The following MBNL3 variants were observed in gnomAD, a reference collection of about 807,000 sequenced individuals.
The protein encoded by MBNL3 is muscleblind-like protein 3.
Under a neutral mutation model 24.5 loss-of-function variants are expected in MBNL3, and 6 were observed. The observed-to-expected ratio is 0.25, with a 90% CI of 0.13 to 0.48. The LOEUF is 0.48. MBNL3 is among the 20% of genes least tolerant of loss of function. MBNL3 has a pLI of 0.99. For synonymous variants in MBNL3, 100 were observed against 101.7 expected, an observed-to-expected ratio of 0.98 and a Z score of 0.10; for missense variants, 230 against 293.5, an observed-to-expected ratio of 0.78 and a Z score of 1.58.
chrX:132,459,522 A>C lies in MBNL3; in HGVS notation c.-703-19208T>G, dbSNP rs181380003. Among the ~76,000 whole-genome samples, 7 of 112,318 alleles carry C rather than the reference A, an allele frequency of 6.2e-5. No homozygotes were observed. In the East Asian group the frequency reaches 1.4e-3, roughly 22 times the overall value. The stretch of plus-strand genomic sequence containing the variant: ...AGTAAAAGGGATCAATGGGTACTCA[A>C]AACACTGTTCAAACAGACATCACCA... On this transcript the variant is annotated intron_variant, in intron 1 of 8. Transcript: ENST00000370853.
chrX:132,380,278 A>T (rs1012085173), intron 8 of MBNL3, among the ~76,000 whole-genome samples: 2 of 112,112 alleles, frequency 1.8e-5, no homozygotes, highest in African/African-American at 3.2e-5. Context: ...TTAATTTGAC[A>T]ACTTGTGGTT....
chrX:132,392,396 A>C, intron 3 of MBNL3, 62 bp from the exon 4 acceptor site: 3 of 900,775 alleles, frequency 3.3e-6, no homozygotes, highest in Non-Finnish European at 4.5e-6. Context: ...CATTACACAA[A>C]GAGGTATTCT....
At chrX:132,482,421 C>A (rs1222394475) in intron 1 of MBNL3, among the ~76,000 whole-genome samples, 3 of 111,840 alleles carry the variant, frequency 2.7e-5, no homozygotes, top group Non-Finnish European at 3.8e-5. Flanking sequence ...AGTCAATCCA[C>A]AGGCTTTAGC....
chrX:132,406,497 T>G (rs979149137), intron 2 of MBNL3, 105 bp from the exon 3 acceptor site: 12 of 754,374 alleles, frequency 1.6e-5, no homozygotes, highest in Non-Finnish European at 2.2e-5. Context: ...ACTCTTCATC[T>G]TGAATCCATA....
chrX:132,431,293 T>C (rs1303188787), intron 2 of MBNL3: 1 of 112,170 alleles, frequency 8.9e-6, no homozygotes, highest in Non-Finnish European at 1.9e-5. Context: ...CATTTATTAA[T>C]TGGAATTCTT....
chrX:132,394,804 C>G (rs1423236462), intron 3 of MBNL3, among the ~76,000 whole-genome samples: 2 of 111,502 alleles, frequency 1.8e-5, no homozygotes, highest in African/African-American at 6.5e-5. Context: ...CAGGGAAATT[C>G]TCCTAGCTAA....
chrX:132,402,576 A>G (rs1200007586), intron 3 of MBNL3, among the ~76,000 whole-genome samples: 1 of 111,685 alleles, frequency 9.0e-6, no homozygotes, highest in African/African-American at 3.3e-5. Context: ...ATCAGGAACA[A>G]TCTCTCTTAA....
chrX:132,414,100 CT>C (rs1943076702), intron 2 of MBNL3, among the ~76,000 whole-genome samples: 1 of 111,776 alleles, frequency 8.9e-6, no homozygotes, highest in Admixed American at 9.5e-5. Context: ...GCATAGATAT[CT>C]TTTTCAGTCA....
rs915186592 is a variant in MBNL3, at chrX:132,381,382, C to T, written c.1053+796G>A. The stretch of plus-strand genomic sequence containing the variant: ...ACTGTTCTACTGAGAACTTCTACAT[C>T]TGTGAAACAAACATGCTGCTATTCA... On this transcript the variant is annotated intron_variant, in intron 8 of 8. Coordinates refer to ENST00000370853, the MANE Select transcript of MBNL3 (RefSeq NM_001386889.1). 15 of 1,176,663 alleles carry T rather than the reference C, an allele frequency of 1.3e-5. No homozygotes were observed. In the Admixed American group the frequency reaches 1.8e-4, roughly 14 times the overall value.
intron 2 of MBNL3, chrX:132,413,668 A>G: frequency 4.0e-6 from 4 of 995,379 alleles, no homozygotes; most frequent in Non-Finnish European, 5.2e-6. Context: ...AAAGCTTCAC[A>G]CGGCTCGCTA....
Position 132,488,894 on chromosome X carries a change from T to TCAGCGGCAGCAGCAGGGG in MBNL3, c.-765_-748dup, listed in dbSNP as rs1488634635. Reference sequence around the variant, plus strand: ...ACCCAGAGGCTAAGGGGCCCTGCTCTCAGCGGCAGCAGCAGGGGCAGCGGC... The same window carrying TCAGCGGCAGCAGCAGGGG: ...ACCCAGAGGCTAAGGGGCCCTGCTCTCAGCGGCAGCAGCAGGGGCAGCGGCAGCAGCAGGGGCAGCGGC... On this transcript the variant is annotated 5_prime_UTR_variant, in exon 1 of 9. The change abolishes the stop of an existing upstream ORF in the 5' untranslated region. Coordinates refer to ENST00000370853, the MANE Select transcript of MBNL3 (RefSeq NM_001386889.1). 5 of 113,657 alleles carry TCAGCGGCAGCAGCAGGGG rather than the reference T, an allele frequency of 4.4e-5. No individual in the cohort carries two copies. The highest frequency in any genetic ancestry group is 1.6e-4 in the African/African-American group (5 of 31,360). 9.4% of individuals were successfully genotyped at this position (113,657 alleles called of 1,213,427 possible). A position where few individuals can be genotyped will look rare whatever the true frequency, so the allele number is the denominator to read the frequency against.
chrX:132,465,024 G>A (rs868449717), intron 1 of MBNL3, among the ~76,000 whole-genome samples: 5 of 111,775 alleles, frequency 4.5e-5, no homozygotes, highest in Middle Eastern at 4.7e-3. Flanking sequence ...CAGCTTGGGT[G>A]ACAGAGCAGG....
At chrX:132,396,381 CATATATATATT>C (rs1938377931) in intron 3 of MBNL3, among the ~76,000 whole-genome samples, 1 of 76,046 alleles carries the variant, frequency 1.3e-5, no homozygotes, top group African/African-American at 5.0e-5. Context: ...CATATATATT[CATATATATATT>C]CCTATATATA....
intron 2 of MBNL3, among the ~76,000 whole-genome samples, chrX:132,434,792 A>G (rs1945025276): frequency 2.7e-5 from 3 of 111,835 alleles, no homozygotes; most frequent in Non-Finnish European, 3.8e-5. Context: ...AAGGAGATAT[A>G]AGGAATAAAT....
rs1934066166 is a variant in MBNL3, at chrX:132,375,619, G to C, written c.*4047C>G. 9.0e-6 allele frequency: 1 copy of C among 111,592 alleles called. No individual in the cohort carries two copies. The highest frequency in any genetic ancestry group is 9.5e-5 in the Admixed American group (1 of 10,527). 9.2% of individuals were successfully genotyped at this position (111,592 alleles called of 1,213,427 possible). A position where few individuals can be genotyped will look rare whatever the true frequency, so the allele number is the denominator to read the frequency against. ...ACTCTTGGACATGCTATTTATTCTA[G>C]TGCCTTCTACAGGCACTGGTTAAAC... On this transcript the variant is annotated 3_prime_UTR_variant, in exon 9 of 9. Coordinates refer to ENST00000370853, the MANE Select transcript of MBNL3 (RefSeq NM_001386889.1).
In MBNL3 at chrX:132,476,069, G is replaced by A. The variant is rs1467750438; in HGVS notation, c.-704+12782C>T. On this transcript the variant is annotated intron_variant, in intron 1 of 8. Transcript: ENST00000370853. ...GCTTCACAAGAGTCTCCTTATAGGG[G>A]TCCAAGGAAACCTTACTTATTTTCA... is the stretch of plus-strand genomic sequence containing the variant. Among the ~76,000 whole-genome samples, 2 of 111,303 alleles carry A rather than the reference G, an allele frequency of 1.8e-5. 1 individual carries two copies. Among genetic ancestry groups the A allele is most frequent in the African/African-American group, 6.5e-5 (2 of 30,595 alleles).
chrX:132,481,069 G>A (rs1254948565), intron 1 of MBNL3, among the ~76,000 whole-genome samples: 2 of 111,672 alleles, frequency 1.8e-5, no homozygotes, highest in South Asian at 3.7e-4. Flanking sequence ...TCAAATAGCC[G>A]CCAAACAGGA....
intron 2 of MBNL3, among the ~76,000 whole-genome samples, chrX:132,433,281 C>A (rs777981029): frequency 1.2e-4 from 14 of 112,013 alleles, no homozygotes; most frequent in Non-Finnish European, 1.9e-4. Context: ...AGCAAAGCAA[C>A]CCTGACAAGC....
chrX:132,420,824 C>T (rs187846494), intron 2 of MBNL3, among the ~76,000 whole-genome samples: 12 of 111,446 alleles, frequency 1.1e-4, no homozygotes, highest in African/African-American at 3.9e-4. Context: ...AGTGACTAGA[C>T]AACTGAAGAT....
Sources: gnomAD v4.1 joint callset for allele counts (sites outside exome capture counted in the v4.1 genomes callset) on GRCh38, gnomAD v4.1.1 for gene constraint, MANE v1.5 for transcripts, NCBI Gene and HGNC (gene_info 2026-07-23, HGNC 2026-07-21) for gene names.